FAM168A: variants seen among roughly 807,000 people sequenced by gnomAD.
The protein encoded by FAM168A is family with sequence similarity 168 member A.
In FAM168A, 3 loss-of-function variants were observed where a neutral mutation model predicts 28.5. The ratio of observed to expected loss-of-function variants is 0.11; its 90% CI spans 0.05 to 0.27. The LOEUF (loss-of-function observed/expected upper bound fraction) is 0.27, where lower values mean the gene tolerates loss of function less well. FAM168A is among the 10% of genes least tolerant of loss of function. FAM168A has a pLI of 1.00. For missense variants in FAM168A, 222 were observed against 311.5 expected, an observed-to-expected ratio of 0.71 and a Z score of 2.16; for synonymous variants, 122 against 124.2, an observed-to-expected ratio of 0.98 and a Z score of 0.12.
chr11:73,480,187 C>T (rs1010293861), intron 1 of FAM168A, among the ~76,000 whole-genome samples: 1 of 152,134 alleles, frequency 6.6e-6, no homozygotes, highest in Non-Finnish European at 1.5e-5. Flanking sequence ...TCCACAGTTA[C>T]CAGAAAGATC....
At chr11:73,410,897 AAGAG>A (rs1177458518) in intron 5 of FAM168A, among the ~76,000 whole-genome samples, 1 of 152,158 alleles carries the variant, frequency 6.6e-6, no homozygotes, top group African/African-American at 2.4e-5. Context: ...CAGGCACAGA[AAGAG>A]AGGGTAACTT....
intron 1 of FAM168A, among the ~76,000 whole-genome samples, chr11:73,524,847 G>T (rs1447999332): frequency 6.6e-6 from 1 of 152,084 alleles, no homozygotes; most frequent in African/African-American, 2.4e-5. Context: ...TGATCCACCT[G>T]CCTCGGCCTC....
intron 1 of FAM168A, among the ~76,000 whole-genome samples, chr11:73,545,776 T>C (rs1943742747): frequency 6.8e-6 from 1 of 147,152 alleles, no homozygotes; most frequent in South Asian, 2.2e-4. Context: ...CTCAAACTCC[T>C]GGGCTCAAGT....
chr11:73,525,242 C>G (rs950040465), intron 1 of FAM168A, among the ~76,000 whole-genome samples: 1 of 152,114 alleles, frequency 6.6e-6, no homozygotes, highest in Non-Finnish European at 1.5e-5. Context: ...CAGACACGTA[C>G]GAACAGTAGA....
chr11:73,596,594 A>C (rs1169363733), intron 1 of FAM168A, among the ~76,000 whole-genome samples: 2 of 152,098 alleles, frequency 1.3e-5, no homozygotes, highest in African/African-American at 4.8e-5. Context: ...TCCCCTGCAA[A>C]GTCCCCTCTA....
intron 1 of FAM168A, among the ~76,000 whole-genome samples, chr11:73,561,265 C>T (rs1351310429): frequency 1.3e-5 from 2 of 151,780 alleles, no homozygotes; most frequent in Non-Finnish European, 2.9e-5. Context: ...ATCCCAGCTA[C>T]TCAGGAGGCT....
intron 1 of FAM168A, among the ~76,000 whole-genome samples, chr11:73,535,563 G>C (rs1026838312): frequency 2.0e-5 from 3 of 151,722 alleles, no homozygotes; most frequent in African/African-American, 7.3e-5. Flanking sequence ...GGGACTACAG[G>C]TGCCCGCCAC....
chr11:73,442,769 T>G (rs962936289), intron 2 of FAM168A, among the ~76,000 whole-genome samples: 6 of 151,078 alleles, frequency 4.0e-5, no homozygotes, highest in Non-Finnish European at 8.9e-5. Context: ...GAGTGCCCTC[T>G]AGGTGACTGT....
chr11:73,430,915 T>C, intron 2 of FAM168A, 145 bp from the exon 3 acceptor site: 1 of 584,320 alleles, frequency 1.7e-6, no homozygotes, highest in Non-Finnish European at 2.9e-6. Flanking sequence ...CTATTCCAGA[T>C]AGTATATGTG....
rs1565292051 is a variant in FAM168A, at chr11:73,545,038, A to ATT, written c.-19+52883_-19+52884dup. On this transcript the variant is annotated intron_variant, in intron 1 of 7. Transcript: ENST00000356467. ...TATATAGTATATATAATATATATAT[A>ATT]TTTTTTGGAGACAGTCTCCCTCTGT... 4.9e-4 allele frequency among the ~76,000 whole-genome samples: 43 copies of ATT among 86,908 alleles called. 2 individuals are homozygous for ATT. Among genetic ancestry groups the ATT allele is most frequent in the African/African-American group, 2.1e-3 (34 of 16,552 alleles). The allele number at this position is 86,908 out of a possible 152,430, so 57.0% of individuals were successfully genotyped here.
At chr11:73,421,486 A>G (rs1296792857) in intron 3 of FAM168A, among the ~76,000 whole-genome samples, 1 of 152,246 alleles carries the variant, frequency 6.6e-6, no homozygotes, top group Non-Finnish European at 1.5e-5. Context: ...AATTCTGATA[A>G]GAGAAATGGA....
At chr11:73,446,926 A>G (rs1279406906) in intron 2 of FAM168A, among the ~76,000 whole-genome samples, 2 of 152,206 alleles carry the variant, frequency 1.3e-5, no homozygotes, top group African/African-American at 4.8e-5. Flanking sequence ...CACCAAGGAT[A>G]AAGTTCCAAA....
chr11:73,450,357 T>A (rs1481259275), intron 2 of FAM168A, among the ~76,000 whole-genome samples: 1 of 152,208 alleles, frequency 6.6e-6, no homozygotes, highest in Non-Finnish European at 1.5e-5. Context: ...ATTAGAATCA[T>A]CCAGAGAGCT....
intron 1 of FAM168A, among the ~76,000 whole-genome samples, chr11:73,482,132 G>A (rs1447031489): frequency 1.3e-5 from 2 of 148,796 alleles, no homozygotes; most frequent in Non-Finnish European, 3.0e-5. Context: ...CCCAGTCTCA[G>A]GTGTTTTGTT....
intron 3 of FAM168A, among the ~76,000 whole-genome samples, chr11:73,427,264 T>A (rs1249471002): frequency 6.6e-6 from 1 of 152,074 alleles, no homozygotes; most frequent in South Asian, 2.1e-4. Context: ...GTGCTGAGAT[T>A]ACAGGTGTGA....
intron 6 of FAM168A, among the ~76,000 whole-genome samples, chr11:73,408,839 T>A (rs1866555736): frequency 6.6e-6 from 1 of 151,644 alleles, no homozygotes; most frequent in Non-Finnish European, 1.5e-5. Context: ...TCATCCCTCA[T>A]AATTATTATA....
At chr11:73,564,470 G>A (rs754943356) in intron 1 of FAM168A, among the ~76,000 whole-genome samples, 1 of 151,724 alleles carries the variant, frequency 6.6e-6, no homozygotes, top group African/African-American at 2.4e-5. Context: ...CAGGCGCAGT[G>A]GCTCACGCCT....
At chr11:73,581,021 G>C (rs1320469279) in intron 1 of FAM168A, among the ~76,000 whole-genome samples, 4 of 152,222 alleles carry the variant, frequency 2.6e-5, no homozygotes, top group African/African-American at 9.6e-5. Context: ...TCCGTTTCTA[G>C]ATTGTGGATC....
intron 2 of FAM168A, among the ~76,000 whole-genome samples, chr11:73,454,630 A>G (rs1277487167): frequency 1.3e-5 from 2 of 152,192 alleles, no homozygotes; most frequent in Admixed American, 1.3e-4. Flanking sequence ...TCCTGCTCAA[A>G]TGTTGCCTTT....
Sources: allele counts gnomAD v4.1 joint callset (sites outside exome capture counted in the v4.1 genomes callset), GRCh38; gene constraint gnomAD v4.1.1; transcripts MANE v1.5; gene names NCBI Gene and HGNC (gene_info 2026-07-23, HGNC 2026-07-21).